The following ABCB4 variants were observed in gnomAD, a reference collection of about 807,000 sequenced individuals.
ABCB4 encodes ATP binding cassette subfamily B member 4, also known as phosphatidylcholine translocator ABCB4.
ABCB4 carries 76 observed loss-of-function variants against 145.7 expected under a neutral mutation model. The observed-to-expected ratio is 0.52, with a 90% CI of 0.43 to 0.63. The LOEUF (loss-of-function observed/expected upper bound fraction) is 0.63. Among genes scored for constraint, ABCB4 ranks in the 30% least tolerant of loss-of-function variants. The probability of loss-of-function intolerance (pLI) is 0.00; values close to 1 mark genes in which losing one functional copy is unlikely to be tolerated. For synonymous variants in ABCB4, 517 were observed against 566.8 expected, an observed-to-expected ratio of 0.91 and a Z score of 1.25; for missense variants, 1,234 against 1,553.1, an observed-to-expected ratio of 0.79 and a Z score of 3.45.
chr7:87,415,540 TA>T, intron 21 of ABCB4, among the ~76,000 whole-genome samples: 1 of 152,134 alleles, frequency 6.6e-6, no homozygotes, highest in Non-Finnish European at 1.5e-5. Context: ...AAGTAGCTAC[TA>T]AAAAAATTTA....
the ABCB4 span, among the ~76,000 whole-genome samples, chr7:87,394,696 A>T: frequency 6.6e-6 from 1 of 152,166 alleles, no homozygotes; most frequent in Admixed American, 6.6e-5. Flanking sequence ...TAGCAAAAAA[A>T]ATGCCTTTCT....
chr7:87,408,717 G>A (rs1235582878), intron 24 of ABCB4, among the ~76,000 whole-genome samples: 1 of 152,186 alleles, frequency 6.6e-6, no homozygotes, highest in Non-Finnish European at 1.5e-5. Context: ...TGGAAAGACT[G>A]TGTTAAGTCC....
chr7:87,403,065 T>G, intron 27 of ABCB4, 70 bp downstream of exon 27: 1 of 1,543,740 alleles, frequency 6.5e-7, no homozygotes, highest in Non-Finnish European at 9.0e-7. Flanking sequence ...TGTGTTTTTT[T>G]CATGGTTGAC....
the ABCB4 span, among the ~76,000 whole-genome samples, chr7:87,389,875 C>G: frequency 6.6e-6 from 1 of 152,052 alleles, no homozygotes; most frequent in Non-Finnish European, 1.5e-5. Context: ...CTCATCATAG[C>G]TGGCATTGGA....
chr7:87,381,260 G>A, the ABCB4 span, among the ~76,000 whole-genome samples: 1 of 152,048 alleles, frequency 6.6e-6, no homozygotes, highest in African/African-American at 2.4e-5. Context: ...GGGAAAATGC[G>A]GGCAAAAACT....
the ABCB4 span, among the ~76,000 whole-genome samples, chr7:87,380,548 A>G: frequency 8.5e-5 from 13 of 152,224 alleles, no homozygotes; most frequent in Non-Finnish European, 1.8e-4. Context: ...TCAGAACCAA[A>G]GCCTACATTC....
the ABCB4 span, among the ~76,000 whole-genome samples, chr7:87,383,553 T>C: frequency 4.0e-5 from 6 of 151,462 alleles, no homozygotes; most frequent in Non-Finnish European, 8.8e-5. Context: ...TGGAGTGCAG[T>C]GGCATGGTCT....
In ABCB4 at chr7:87,452,960, T is replaced by G; in HGVS notation, c.520A>C (p.Asn174His). 1.2e-6 allele frequency: 2 copies of G among 1,614,044 alleles called. No individual in the cohort carries two copies. Among genetic ancestry groups the G allele is most frequent in the Non-Finnish European group, 8.5e-7 (1 of 1,179,942 alleles). The change falls in exon 6 of 28, where the codon AAT becomes CAT. Residue 174 changes from asparagine (N) to histidine (H), a missense_variant. Physicochemically the swap from Asn to His is moderately conservative, Grantham distance 68 (BLOSUM62 1). Around this residue, in one of 7 missense-constraint regions of ABCB4, gnomAD observed 467 missense variants for 632.8 expected, o/e 0.74. Transcript: ENST00000649586. ...WFDINDTTELNTRLTDDISKI... is the reference protein window; with the variant it reads ...WFDINDTTELHTRLTDDISKI... The stretch of plus-strand genomic sequence containing the variant: ...TGTACCTACTCTGTTAGCCGCGTAT[T>G]GAGTTCAGTGGTGTCGTTGATGTCA...
chr7:87,375,569 A>G, the ABCB4 span: 1 of 1,246,046 alleles, frequency 8.0e-7, no homozygotes, highest in Non-Finnish European at 1.2e-6. Context: ...ATGACCTTTT[A>G]AAGGCCAAAG....
At chr7:87,417,238 C>A (rs1809041016) in intron 21 of ABCB4, 74 bp downstream of exon 21, 1 of 1,386,650 alleles carries the variant, frequency 7.2e-7, no homozygotes, top group Admixed American at 1.7e-5. Context: ...GCCTGCATAT[C>A]ATGATAAATA....
intron 25 of ABCB4, among the ~76,000 whole-genome samples, chr7:87,407,308 CT>C (rs1328135243): frequency 1.3e-5 from 2 of 152,196 alleles, no homozygotes; most frequent in African/African-American, 4.8e-5. Context: ...CCTATGTTAC[CT>C]GCAGAATAGC....
At position 87,443,334 on chromosome 7, in the gene ABCB4, G is replaced by T. The variant is rs772334930; in HGVS notation, c.1341C>A (p.Asp447Glu). 6 of 1,613,872 alleles carry T rather than the reference G, an allele frequency of 3.7e-6. No individual in the cohort carries two copies. The highest frequency in any genetic ancestry group is 2.7e-5 in the African/African-American group (2 of 74,874). ...TCCCACTTACTGTGCCCTCATCAGG[G>T]TCATAGAGCCTCTGTATCAGCTGGA... ...TTVQLIQRLY[D>E]PDEGTINIDG... The change falls in exon 12 of 28, where the codon GAC becomes GAA. Residue 447 changes from aspartate to glutamate, a missense_variant. Physicochemically the swap from Asp to Glu is conservative, Grantham distance 45. Transcript: ENST00000649586.
At chr7:87,470,001 G>C (rs1208023100) in intron 3 of ABCB4, among the ~76,000 whole-genome samples, 1 of 152,146 alleles carries the variant, frequency 6.6e-6, no homozygotes, top group Non-Finnish European at 1.5e-5. Flanking sequence ...AAACAGCATG[G>C]TACTGGTACC....
chr7:87,398,731 G>C (rs1324582600), downstream of ABCB4: 1 of 1,272,806 alleles, frequency 7.9e-7, no homozygotes, highest in Non-Finnish European at 1.1e-6. Context: ...GGGAAGGAAT[G>C]TTGACTTGCT....
chr7:87,459,146 G>A (rs1471522621), intron 4 of ABCB4, among the ~76,000 whole-genome samples: 2 of 152,162 alleles, frequency 1.3e-5, no homozygotes, highest in African/African-American at 4.8e-5. Flanking sequence ...AATTTTAATT[G>A]TGATAAAATA....
chr7:87,379,903 C>A, the ABCB4 span, among the ~76,000 whole-genome samples: 2 of 152,220 alleles, frequency 1.3e-5, no homozygotes, highest in South Asian at 4.1e-4. Flanking sequence ...TTGATTCCAG[C>A]AGTTCAGCAC....
At chr7:87,448,263 G>C (rs1220044518) in intron 8 of ABCB4, among the ~76,000 whole-genome samples, 2 of 151,680 alleles carry the variant, frequency 1.3e-5, no homozygotes, top group African/African-American at 4.8e-5. Flanking sequence ...ACACAAACTA[G>C]GATATTTTTC....
intron 25 of ABCB4, among the ~76,000 whole-genome samples, chr7:87,407,434 G>A (rs957134135): frequency 2.0e-5 from 3 of 152,214 alleles, no homozygotes; most frequent in African/African-American, 7.2e-5. Context: ...TTTGGTGACT[G>A]TCTAATGGGG....
chr7:87,424,187 A>G, intron 16 of ABCB4, 135 bp from the exon 17 acceptor site: 1 of 966,968 alleles, frequency 1.0e-6, no homozygotes, highest in Admixed American at 1.7e-5. Flanking sequence ...AAACTACTAG[A>G]GAGTAGGACA....
Sources: gnomAD v4.1 joint callset for allele counts (sites outside exome capture counted in the v4.1 genomes callset) on GRCh38, gnomAD v4.1.1 for gene constraint, gnomAD v4.1.1 regional missense constraint, MANE v1.5 for transcripts, NCBI Gene and HGNC (gene_info 2026-07-23, HGNC 2026-07-21) for gene names.